The following RPN2 variants were observed in gnomAD, a reference collection of about 807,000 sequenced individuals.
RPN2 encodes dolichyl-diphosphooligosaccharide--protein glycosyltransferase subunit 2.
RPN2 carries 29 observed loss-of-function variants against 71.4 expected under a neutral mutation model. That is an observed-to-expected ratio of 0.41 (90% CI 0.30 to 0.55). RPN2 has a LOEUF of 0.55. RPN2 is among the 20% of genes least tolerant of loss of function. The probability of loss-of-function intolerance (pLI) is 0.35; values close to 1 mark genes in which losing one functional copy is unlikely to be tolerated. For synonymous variants in RPN2, 308 were observed against 305.0 expected, an observed-to-expected ratio of 1.01 and a Z score of -0.10; for missense variants, 726 against 774.1, an observed-to-expected ratio of 0.94 and a Z score of 0.74.
chr20:37,213,991 G>A (rs1350409806), intron 9 of RPN2, 126 bp downstream of exon 9: 3 of 756,414 alleles, frequency 4.0e-6, no homozygotes, highest in Non-Finnish European at 7.1e-6. Flanking sequence ...TTTATGTGGA[G>A]GGAGGGCTGC....
chr20:37,234,104 C>G lies in RPN2; in HGVS notation c.1753+9C>G. 1 of 1,613,890 alleles carries G rather than the reference C, an allele frequency of 6.2e-7. No homozygotes were observed. On this transcript the variant is annotated intron_variant, in intron 15 of 16. Coordinates refer to ENST00000237530, the MANE Select transcript of RPN2 (RefSeq NM_002951.5). ...TCACCTGGGACATGCTGGTAAGTGC[C>G]CCAGGCTGCTAATTACCTGTAACGT...
intron 12 of RPN2, among the ~76,000 whole-genome samples, chr20:37,229,001 A>G (rs1017630090): frequency 2.0e-5 from 3 of 152,128 alleles, no homozygotes; most frequent in African/African-American, 7.2e-5. Context: ...GTATCTGTGA[A>G]TTTCTATAAA....
chr20:37,199,220 G>T lies in RPN2; in HGVS notation c.474G>T (p.Val158=), dbSNP rs772692443. The T allele has an allele frequency of 3.1e-6, 5 of 1,613,606 alleles. No individual in the cohort carries two copies. The African/African-American group carries it at 6.7e-5, about 22-fold the overall frequency. ...LTARLSKEET[V]LATVQALQTA... Reference sequence around the variant, plus strand: ...CTCGTCTCAGCAAGGAGGAGACTGTGCTGGCGTGAGTTGTCATCTCGAGCA... The same window carrying T: ...CTCGTCTCAGCAAGGAGGAGACTGTTCTGGCGTGAGTTGTCATCTCGAGCA... Residue 158 remains valine (V), a synonymous_variant, in exon 4 of 17, where the codon GTG becomes GTT. Coordinates refer to ENST00000237530, the MANE Select transcript of RPN2 (RefSeq NM_002951.5).
At chr20:37,228,403 T>A in intron 11 of RPN2, 147 bp from the exon 12 acceptor site, 1 of 768,528 alleles carries the variant, frequency 1.3e-6, no homozygotes, top group Non-Finnish European at 2.2e-6. Context: ...GGCCACTCCT[T>A]CTACTCTCTG....
At chr20:37,200,502 A>T (rs996221995) in intron 4 of RPN2, 2 of 532,668 alleles carry the variant, frequency 3.8e-6, no homozygotes, top group Admixed American at 3.9e-5. Flanking sequence ...GAGGTTGGTG[A>T]TACCAAATCC....
intron 13 of RPN2, among the ~76,000 whole-genome samples, chr20:37,231,332 C>T (rs1261371003): frequency 6.6e-6 from 1 of 151,078 alleles, no homozygotes; most frequent in African/African-American, 2.4e-5. Context: ...AGGTGAGCTT[C>T]GTAAAGAGAA....
At chr20:37,202,071 C>T (rs2067402432) in intron 4 of RPN2, among the ~76,000 whole-genome samples, 1 of 152,190 alleles carries the variant, frequency 6.6e-6, no homozygotes, top group Admixed American at 6.5e-5. Flanking sequence ...TTCTAAAACT[C>T]AGTGGATTAA....
intron 2 of RPN2, among the ~76,000 whole-genome samples, chr20:37,191,338 G>A (rs965569187): frequency 1.3e-5 from 2 of 152,128 alleles, no homozygotes; most frequent in African/African-American, 2.4e-5. Context: ...TTAGCTGGGC[G>A]TGGTGGGCAT....
At chr20:37,217,368 C>G (rs1020803778) in intron 9 of RPN2, among the ~76,000 whole-genome samples, 4 of 151,882 alleles carry the variant, frequency 2.6e-5, no homozygotes, top group African/African-American at 9.7e-5. Flanking sequence ...TCCCGGCTCA[C>G]TGGAACCTCC....
chr20:37,228,591 G>C lies in RPN2; in HGVS notation c.1341G>C (p.Val447=), dbSNP rs2146681036. 6.2e-7 allele frequency: 1 copy of C among 1,614,198 alleles called. No individual in the cohort carries two copies. Among genetic ancestry groups the C allele is most frequent in the Admixed American group, 1.7e-5 (1 of 60,024 alleles). Residue 447 remains valine, a synonymous_variant, in exon 12 of 17, where the codon GTG becomes GTC. Coordinates refer to ENST00000237530, the MANE Select transcript of RPN2 (RefSeq NM_002951.5). ...ATAACCAGAAGACTGGCCAGGAAGTGGTGTTTGTTGCCGAGCCAGACAACA... is the reference window on the plus strand; with the variant it reads ...ATAACCAGAAGACTGGCCAGGAAGTCGTGTTTGTTGCCGAGCCAGACAACA... The part of the protein sequence containing the change: ...RLHNQKTGQE[V]VFVAEPDNKN...
At chr20:37,234,189 C>G (rs1395991837) in intron 15 of RPN2, 94 bp downstream of exon 15, 1 of 1,173,506 alleles carries the variant, frequency 8.5e-7, no homozygotes, top group African/African-American at 1.5e-5. Context: ...AACCTATTAC[C>G]TATAATGACT....
At chr20:37,210,485 T>C (rs938042174) in intron 8 of RPN2, among the ~76,000 whole-genome samples, 2 of 151,904 alleles carry the variant, frequency 1.3e-5, no homozygotes, top group Admixed American at 6.6e-5. Flanking sequence ...AAAGAAAATA[T>C]AACTTACCCA....
intron 12 of RPN2, among the ~76,000 whole-genome samples, chr20:37,229,215 GC>G (rs1342389336): frequency 2.0e-5 from 3 of 152,206 alleles, no homozygotes; most frequent in African/African-American, 7.2e-5. Flanking sequence ...CATTTGTGTA[GC>G]ATGTTGTTGT....
chr20:37,207,233 G>C (rs753063856), intron 6 of RPN2, 40 bp from the exon 7 acceptor site: 2 of 1,554,838 alleles, frequency 1.3e-6, no homozygotes, highest in South Asian at 2.2e-5. Flanking sequence ...CACCTTCCCA[G>C]CAGAGGAAGA....
chr20:37,236,312 C>T (rs145561103), intron 15 of RPN2, among the ~76,000 whole-genome samples: 61 of 152,088 alleles, frequency 4.0e-4, no homozygotes, highest in African/African-American at 1.3e-3. Context: ...AGGGTGGTCT[C>T]GAACTCCTGA....
chr20:37,180,292 G>T (rs1293886273), intron 1 of RPN2, among the ~76,000 whole-genome samples: 1 of 152,232 alleles, frequency 6.6e-6, no homozygotes, highest in Non-Finnish European at 1.5e-5. Context: ...CAAATTGCCT[G>T]AAGTTTGATT....
At chr20:37,187,966 G>A (rs1397675459) in intron 2 of RPN2, among the ~76,000 whole-genome samples, 1 of 151,516 alleles carries the variant, frequency 6.6e-6, no homozygotes, top group African/African-American at 2.4e-5. Flanking sequence ...TAAATATTCT[G>A]TTTTATATCT....
chr20:37,211,642 TA>T (rs2067670305), intron 8 of RPN2, among the ~76,000 whole-genome samples: 1 of 67,760 alleles, frequency 1.5e-5, no homozygotes, highest in Non-Finnish European at 3.5e-5. Flanking sequence ...GCTCCATCTC[TA>T]TTAAAAAAAA....
intron 11 of RPN2, 117 bp from the exon 12 acceptor site, chr20:37,228,433 C>T: frequency 1.0e-6 from 1 of 987,454 alleles, no homozygotes; most frequent in South Asian, 1.4e-5. Context: ...TGGCAGATCC[C>T]AGAGCTCTCA....
Sources: gnomAD v4.1 joint callset for allele counts (sites outside exome capture counted in the v4.1 genomes callset) on GRCh38, gnomAD v4.1.1 for gene constraint, MANE v1.5 for transcripts, NCBI Gene and HGNC (gene_info 2026-07-23, HGNC 2026-07-21) for gene names.